Variants in SSU72 observed in about 807,000 individuals in gnomAD.
SSU72 encodes the protein SSU72 homolog, RNA polymerase II CTD phosphatase.
Under a neutral mutation model 22.7 loss-of-function variants are expected in SSU72, and 12 were observed. That is an observed-to-expected ratio of 0.53 (90% CI 0.34 to 0.86). The LOEUF (loss-of-function observed/expected upper bound fraction) is 0.86, where lower values mean the gene tolerates loss of function less well. Among genes scored for constraint, SSU72 ranks in the 40% least tolerant of loss-of-function variants. The pLI is 0.02. For synonymous variants in SSU72, 116 were observed against 98.3 expected (o/e 1.18, Z -1.06); for missense variants, 151 against 249.8 (o/e 0.60, Z 2.67).
intron 1 of SSU72, among the ~76,000 whole-genome samples, chr1:1,568,944 G>C (rs1354362143): frequency 6.6e-6 from 1 of 152,134 alleles, no homozygotes; most frequent in East Asian, 1.9e-4. Context: ...AGCCAAGGCA[G>C]GCAGATCACC....
At chr1:1,568,361 G>A (rs1642687189) in intron 1 of SSU72, among the ~76,000 whole-genome samples, 1 of 152,106 alleles carries the variant, frequency 6.6e-6, no homozygotes, top group Non-Finnish European at 1.5e-5. Context: ...GGGAGACCAA[G>A]CAGGTGGATC....
chr1:1,571,925 G>A (rs927921023), intron 1 of SSU72, among the ~76,000 whole-genome samples: 2 of 151,562 alleles, frequency 1.3e-5, no homozygotes, highest in South Asian at 4.2e-4. Context: ...CTCCTGAGCA[G>A]CTGGGACTAC....
chr1:1,547,921 A>C (rs1227662643), intron 2 of SSU72, among the ~76,000 whole-genome samples: 1 of 152,256 alleles, frequency 6.6e-6, no homozygotes, highest in Non-Finnish European at 1.5e-5. Context: ...CCACTGACGC[A>C]AAGCGTTCGA....
At chr1:1,572,292 G>C (rs1570402747) in intron 1 of SSU72, among the ~76,000 whole-genome samples, 1 of 141,454 alleles carries the variant, frequency 7.1e-6, no homozygotes, top group Non-Finnish European at 1.5e-5. Context: ...GCCGGGCGTG[G>C]TGGCGGGCGC....
chr1:1,542,223 CT>C lies in SSU72; in HGVS notation c.484-57del, dbSNP rs769668521. 2.4e-4 allele frequency: 362 copies of C among 1,511,724 alleles called. No individual in the cohort carries two copies. Among genetic ancestry groups the C allele is most frequent in the Non-Finnish European group, 3.0e-4 (337 of 1,111,150 alleles). 93.6% of individuals were successfully genotyped at this position (1,511,724 alleles called of 1,614,324 possible). A position where few individuals can be genotyped will look rare whatever the true frequency, so the allele number is the denominator to read the frequency against. On this transcript the variant is annotated intron_variant, in intron 4 of 4. Transcript: ENST00000291386. The surrounding 1 kb of genome is among the most constrained non-coding windows in gnomAD (Gnocchi z 4.4). ...GCCCACTCCTGCCTGTCTGCTCCCC[CT>C]AACACCTGGATCGCCAGGGAAACGC...
At position 1,559,803 on chromosome 1, in the gene SSU72, G is replaced by A. The variant is rs544087539; in HGVS notation, c.224+4970C>T. 1.4e-4 allele frequency among the ~76,000 whole-genome samples: 21 copies of A among 152,000 alleles called. No individual in the cohort carries two copies. The South Asian group carries it at 2.9e-3, about 21-fold the overall frequency. On this transcript the variant is annotated intron_variant, in intron 2 of 4. Coordinates refer to ENST00000291386, the MANE Select transcript of SSU72 (RefSeq NM_014188.3). ...GTGCAATGGTGCAACTTCGGCTCAC[G>A]GCAACCTCCATCTCCCAGGTTCAAG...
chr1:1,548,849 C>T (rs1304927354), intron 2 of SSU72, among the ~76,000 whole-genome samples: 1 of 152,242 alleles, frequency 6.6e-6, no homozygotes, highest in African/African-American at 2.4e-5. Context: ...CGAGAGGCCA[C>T]CGGCCAGCAT....
intron 2 of SSU72, among the ~76,000 whole-genome samples, chr1:1,557,852 T>C (rs896336621): frequency 6.6e-6 from 1 of 152,090 alleles, no homozygotes; most frequent in African/African-American, 2.4e-5. Flanking sequence ...CACAGGGAAG[T>C]GGCCACACAC....
chr1:1,559,637 G>A (rs922164312), intron 2 of SSU72, among the ~76,000 whole-genome samples: 3 of 152,146 alleles, frequency 2.0e-5, no homozygotes, highest in Non-Finnish European at 4.4e-5. Flanking sequence ...TCAGCTCGCT[G>A]CAGCCTCTGC....
chr1:1,570,085 T>C (rs758029819), intron 1 of SSU72, among the ~76,000 whole-genome samples: 1 of 151,256 alleles, frequency 6.6e-6, no homozygotes, highest in Non-Finnish European at 1.5e-5. Flanking sequence ...ATTAAAACTC[T>C]CTAAATAAAC....
intron 2 of SSU72, among the ~76,000 whole-genome samples, chr1:1,553,156 C>T (rs1222899995): frequency 6.6e-6 from 1 of 152,106 alleles, no homozygotes; most frequent in Non-Finnish European, 1.5e-5. Context: ...CACTGTGGCC[C>T]CATGGTGTCC....
chr1:1,541,881 G>A lies in SSU72; in HGVS notation c.*185C>T, dbSNP rs1413359412. 1.7e-6 allele frequency: 1 copy of A among 586,068 alleles called. No homozygotes were observed. Among genetic ancestry groups the A allele is most frequent in the East Asian group, 3.0e-5 (1 of 33,392 alleles). 36.3% of individuals were successfully genotyped at this position (586,068 alleles called of 1,614,324 possible). A position where few individuals can be genotyped will look rare whatever the true frequency, so the allele number is the denominator to read the frequency against. ...CAATATCCTGCTCATAAGTAAAAGT[G>A]GAAAAGAAGAAACTTGATTGCTTTC... On this transcript the variant is annotated 3_prime_UTR_variant, in exon 5 of 5. Transcript: ENST00000291386.
At chr1:1,552,065 C>T (rs1222864645) in intron 2 of SSU72, among the ~76,000 whole-genome samples, 6 of 152,220 alleles carry the variant, frequency 3.9e-5, no homozygotes, top group Admixed American at 6.5e-5. Context: ...ACCAGCGTTC[C>T]GACCCGGCAC....
chr1:1,555,310 C>T (rs1642509151), intron 2 of SSU72, among the ~76,000 whole-genome samples: 1 of 152,246 alleles, frequency 6.6e-6, no homozygotes, highest in African/African-American at 2.4e-5. Context: ...GATGAGACAG[C>T]CTCGGCGGCG....
intron 2 of SSU72, among the ~76,000 whole-genome samples, chr1:1,555,795 C>G (rs1642513584): frequency 6.6e-6 from 1 of 150,868 alleles, no homozygotes. Flanking sequence ...TTCAGGAATC[C>G]AAGACCAGCC....
chr1:1,574,364 G>A, intron 1 of SSU72, 114 bp downstream of exon 1: 2 of 1,148,564 alleles, frequency 1.7e-6, no homozygotes, highest in Non-Finnish European at 2.5e-6. Flanking sequence ...ACCCACGAGC[G>A]CGGCCCGGCC....
At chr1:1,545,258 C>T (rs1642376696) in intron 2 of SSU72, 1 of 483,988 alleles carries the variant, frequency 2.1e-6, no homozygotes. Flanking sequence ...ACCCAAGGCC[C>T]GCAGGACACC....
chr1:1,569,563 TCA>T (rs1267535348), intron 1 of SSU72, among the ~76,000 whole-genome samples: 6 of 152,176 alleles, frequency 3.9e-5, no homozygotes, highest in African/African-American at 9.7e-5. Flanking sequence ...CAGTCACAGC[TCA>T]CAGTCATAGC....
chr1:1,573,045 T>C (rs1161975722), intron 1 of SSU72, among the ~76,000 whole-genome samples: 3 of 151,906 alleles, frequency 2.0e-5, no homozygotes, highest in Non-Finnish European at 2.9e-5. Context: ...TCCCAGCACT[T>C]TGGGAGGCCG....
Sources: gnomAD v4.1 joint callset for allele counts (sites outside exome capture counted in the v4.1 genomes callset) on GRCh38, gnomAD v4.1.1 for gene constraint, Gnocchi (gnomAD v3.1) non-coding constraint, MANE v1.5 for transcripts, NCBI Gene and HGNC (gene_info 2026-07-23, HGNC 2026-07-21) for gene names.